KIRREL3: variants seen among roughly 807,000 people sequenced by gnomAD.
KIRREL3 encodes the protein kin of IRRE-like protein 3.
In KIRREL3, 36 loss-of-function variants were observed where a neutral mutation model predicts 89.7. The observed-to-expected ratio is 0.40, with a 90% CI of 0.31 to 0.53. The LOEUF (loss-of-function observed/expected upper bound fraction) is 0.53, where lower values mean the gene tolerates loss of function less well. Ranked by LOEUF, KIRREL3 falls within the 20% of genes least tolerant of loss-of-function variation. KIRREL3 has a pLI of 0.49. For missense variants in KIRREL3, 864 were observed against 1,056.6 expected (o/e 0.82, Z 2.53); for synonymous variants, 445 against 441.4 (o/e 1.01, Z -0.10).
intron 1 of KIRREL3, among the ~76,000 whole-genome samples, chr11:126,863,685 G>C (rs1271075178): frequency 6.6e-6 from 1 of 152,056 alleles, no homozygotes; most frequent in Non-Finnish European, 1.5e-5. Context: ...GTGAGTGTGC[G>C]CCTGTGTGTA....
chr11:126,697,941 A>G lies in KIRREL3; in HGVS notation c.56-135029T>C, dbSNP rs574522602. ...AGAAGAGAGAGCCAGGGAGGCTCAG[A>G]GACTGAGCAAGTGCCAAGAAGGGAA... On this transcript the variant is annotated intron_variant, in intron 1 of 16. Coordinates refer to ENST00000525144, the MANE Select transcript of KIRREL3 (RefSeq NM_032531.4). The surrounding 1 kb of genome is among the most constrained non-coding windows in gnomAD (Gnocchi z 4.2). Among the ~76,000 whole-genome samples the G allele has an allele frequency of 5.8e-4, 88 of 152,358 alleles. 1 individual carries two copies. Among genetic ancestry groups the G allele is most frequent in the African/African-American group, 2.1e-3 (88 of 41,592 alleles).
At chr11:126,949,200 C>T (rs1306201694) in intron 1 of KIRREL3, among the ~76,000 whole-genome samples, 1 of 152,148 alleles carries the variant, frequency 6.6e-6, no homozygotes, top group Non-Finnish European at 1.5e-5. Flanking sequence ...AGACATGGAA[C>T]TCACACTCTT....
At chr11:126,735,174 T>A (rs1337023509) in intron 1 of KIRREL3, among the ~76,000 whole-genome samples, 1 of 152,226 alleles carries the variant, frequency 6.6e-6, no homozygotes, top group Non-Finnish European at 1.5e-5. Flanking sequence ...ACACCTTTTA[T>A]GTCTCTGTAA....
At chr11:126,479,373 T>C (rs1957163240) in intron 4 of KIRREL3, among the ~76,000 whole-genome samples, 1 of 152,176 alleles carries the variant, frequency 6.6e-6, no homozygotes, top group South Asian at 2.1e-4. Flanking sequence ...GAGGCTATGA[T>C]AGCTGAGTGA....
At chr11:126,824,921 A>G (rs552322069) in intron 1 of KIRREL3, among the ~76,000 whole-genome samples, 44 of 152,304 alleles carry the variant, frequency 2.9e-4, no homozygotes, top group Non-Finnish European at 5.7e-4. Flanking sequence ...TGAGGCCCAC[A>G]AGGAATTTCC....
chr11:126,899,796 C>T (rs1479716166), intron 1 of KIRREL3, among the ~76,000 whole-genome samples: 1 of 152,188 alleles, frequency 6.6e-6, no homozygotes, highest in East Asian at 1.9e-4. Flanking sequence ...CAACTGGGTA[C>T]ACCATGTAGT....
Position 126,640,677 on chromosome 11 carries a change from G to A in KIRREL3, c.56-77765C>T, listed in dbSNP as rs1161423113. Reference sequence around the variant, plus strand: ...TATTACTTGCTGCTGTTTCACATGGGTTCTTTCTGAATCTGGAATGAACCA... The same window carrying A: ...TATTACTTGCTGCTGTTTCACATGGATTCTTTCTGAATCTGGAATGAACCA... On this transcript the variant is annotated intron_variant, in intron 1 of 16. Transcript: ENST00000525144. The surrounding 1 kb of genome is among the most constrained non-coding windows in gnomAD (Gnocchi z 4.9). 6.6e-6 allele frequency among the ~76,000 whole-genome samples: 1 copy of A among 152,130 alleles called. No homozygotes were observed. The highest frequency in any genetic ancestry group is 1.9e-4 in the East Asian group (1 of 5,192).
Position 126,436,950 on chromosome 11 carries a change from C to T in KIRREL3, c.1413G>A (p.Glu471=). The T allele has an allele frequency of 6.2e-7, 1 of 1,609,934 alleles. No individual in the cohort carries two copies. The highest frequency in any genetic ancestry group is 8.5e-7 in the Non-Finnish European group (1 of 1,178,050). The part of the protein sequence containing the change: ...ESGTSGRYTV[E]TISTEEGVIS... ...TGACGCCCTCCTCGGTGCTGATGGT[C>T]TCCACCGTATAGCGCCCCGATGTGC... Residue 471 remains glutamate, a synonymous_variant, in exon 12 of 17, where the codon GAG becomes GAA. Coordinates refer to ENST00000525144, the MANE Select transcript of KIRREL3 (RefSeq NM_032531.4).
chr11:126,444,202 A>G (rs994226261), intron 10 of KIRREL3, among the ~76,000 whole-genome samples: 5 of 152,152 alleles, frequency 3.3e-5, no homozygotes, highest in Admixed American at 2.0e-4. Context: ...TTTTTATTAT[A>G]TATAATAAGA....
intron 1 of KIRREL3, among the ~76,000 whole-genome samples, chr11:126,644,177 GA>G (rs1422333731): frequency 6.6e-6 from 1 of 152,206 alleles, no homozygotes; most frequent in Non-Finnish European, 1.5e-5. Context: ...GATTGAAGTA[GA>G]TCCAGTGTAT....
At chr11:126,816,444 A>G (rs1951576489) in intron 1 of KIRREL3, among the ~76,000 whole-genome samples, 2 of 152,180 alleles carry the variant, frequency 1.3e-5, no homozygotes, top group Admixed American at 1.3e-4. Context: ...GAGTGGGCTG[A>G]TGGCAGGTTT....
intron 1 of KIRREL3, among the ~76,000 whole-genome samples, chr11:126,649,204 T>C (rs1944813891): frequency 6.6e-6 from 1 of 152,146 alleles, no homozygotes; most frequent in Non-Finnish European, 1.5e-5. Context: ...ACGTGGGAAT[T>C]ATTGGAGTAT....
chr11:126,642,255 G>A lies in KIRREL3; in HGVS notation c.56-79343C>T, dbSNP rs545104647. ...TCCTGCACTGGTCTCATTGGGGTTG[G>A]TGGTTAGTTCTCACTTTCCCCATTT... On this transcript the variant is annotated intron_variant, in intron 1 of 16. Coordinates refer to ENST00000525144, the MANE Select transcript of KIRREL3 (RefSeq NM_032531.4). The surrounding 1 kb of genome is among the most constrained non-coding windows in gnomAD (Gnocchi z 4.9). Among the ~76,000 whole-genome samples the A allele has an allele frequency of 4.6e-5, 7 of 152,342 alleles. No individual in the cohort carries two copies. The highest frequency in any genetic ancestry group is 4.6e-4 in the Admixed American group (7 of 15,308).
chr11:126,440,785 A>G (rs1955533963), intron 10 of KIRREL3: 1 of 588,794 alleles, frequency 1.7e-6, no homozygotes. Flanking sequence ...CCCAGAAGAT[A>G]CAAATAACTG....
In KIRREL3 at chr11:126,521,709, TGTGTGTGTGTG is replaced by T. The variant is rs1351510737; in HGVS notation, c.284-256_284-246del. Among the ~76,000 whole-genome samples the T allele has an allele frequency of 2.2e-5, 3 of 134,050 alleles. No individual in the cohort carries two copies. Among genetic ancestry groups the T allele is most frequent in the Admixed American group, 1.4e-4 (2 of 14,330 alleles). 87.9% of individuals were successfully genotyped at this position (134,050 alleles called of 152,430 possible). ...GTGTGTGTGTGTGTGTGTGTGTGTG[TGTGTGTGTGTG>T]TGTGTGTGTGTATAAGGGCATTTGG... On this transcript the variant is annotated intron_variant, in intron 3 of 16. Transcript: ENST00000525144. The surrounding 1 kb of genome is among the most constrained non-coding windows in gnomAD (Gnocchi z 4.1).
At chr11:126,878,832 G>T (rs958824807) in intron 1 of KIRREL3, among the ~76,000 whole-genome samples, 1 of 152,158 alleles carries the variant, frequency 6.6e-6, no homozygotes. Flanking sequence ...CCAACTCAGT[G>T]AAATTACTCC....
At chr11:126,588,912 C>T (rs555203325) in intron 1 of KIRREL3, among the ~76,000 whole-genome samples, 85 of 152,106 alleles carry the variant, frequency 5.6e-4, no homozygotes, top group African/African-American at 1.8e-3. Flanking sequence ...CCAGGGGAGA[C>T]GAGGGCATCA....
chr11:126,920,162 T>C (rs1162575802), intron 1 of KIRREL3: 2 of 152,242 alleles, frequency 1.3e-5, no homozygotes, highest in Non-Finnish European at 2.9e-5. Flanking sequence ...AGACAGGGAG[T>C]GGCTTGGTTA....
intron 1 of KIRREL3, among the ~76,000 whole-genome samples, chr11:126,806,860 G>A (rs575768636): frequency 4.0e-5 from 6 of 151,714 alleles, no homozygotes; most frequent in South Asian, 4.2e-4. Flanking sequence ...AGGCTCCAGT[G>A]TGTGATGTTT....
Sources: gnomAD v4.1 joint callset for allele counts (sites outside exome capture counted in the v4.1 genomes callset) on GRCh38, gnomAD v4.1.1 for gene constraint, Gnocchi (gnomAD v3.1) non-coding constraint, MANE v1.5 for transcripts, NCBI Gene and HGNC (gene_info 2026-07-23, HGNC 2026-07-21) for gene names.